PDE1A: variants seen among roughly 807,000 people sequenced by gnomAD.
PDE1A encodes dual specificity calcium/calmodulin-dependent 3',5'-cyclic nucleotide phosphodiesterase 1A.
Under a neutral mutation model 61.7 loss-of-function variants are expected in PDE1A, and 35 were observed. That is an observed-to-expected ratio of 0.57 (90% CI 0.43 to 0.75). The LOEUF is 0.75. Among genes scored for constraint, PDE1A ranks in the 30% least tolerant of loss-of-function variants. The probability of loss-of-function intolerance (pLI) is 0.00; values close to 1 mark genes in which losing one functional copy is unlikely to be tolerated. For missense variants in PDE1A, 597 were observed against 630.6 expected (o/e 0.95, Z 0.57); for synonymous variants, 232 against 213.2 (o/e 1.09, Z -0.77).
chr2:182,648,536 T>TAAAAAAAAAAAAAAAAAAAAAA, the PDE1A span, among the ~76,000 whole-genome samples: 20 of 92,188 alleles, frequency 2.2e-4, no homozygotes, highest in Admixed American at 5.4e-4. Context: ...AAAAAAAAAT[T>TAAAAAAAAAAAAAAAAAAAAAA]AAAAAAATTA....
At chr2:182,522,585 T>C (rs747967816) in intron 1 of PDE1A, 212 of 1,369,412 alleles carry the variant, frequency 1.5e-4, no homozygotes, top group Non-Finnish European at 1.9e-4. Flanking sequence ...ACCACCCCCC[T>C]AAGCAGACAG....
chr2:182,543,400 T>C, the PDE1A span, among the ~76,000 whole-genome samples: 1 of 152,194 alleles, frequency 6.6e-6, no homozygotes, highest in Non-Finnish European at 1.5e-5. Context: ...ATTGTAACTA[T>C]ATTTCATTAG....
chr2:182,695,704 G>GA, the PDE1A span, among the ~76,000 whole-genome samples: 14 of 136,548 alleles, frequency 1.0e-4, no homozygotes, highest in East Asian at 2.1e-4. Context: ...AAAAGAAAAA[G>GA]AAAAAAAAAG....
chr2:182,147,368 C>A (rs1690550615), intron 13 of PDE1A, among the ~76,000 whole-genome samples: 1 of 152,118 alleles, frequency 6.6e-6, no homozygotes, highest in African/African-American at 2.4e-5. Flanking sequence ...ATAACTTTCT[C>A]AAGCTGTGAT....
the PDE1A span, among the ~76,000 whole-genome samples, chr2:182,589,044 AAATAAT>A: frequency 0.059 from 8,148 of 138,108 alleles, 282 homozygotes; most frequent in South Asian, 0.086. Context: ...CTCTGTCTCA[AAATAAT>A]AATAATAATA....
chr2:182,516,710 AAGGAAGGAAG>A (rs1690186724), intron 2 of PDE1A, among the ~76,000 whole-genome samples: 4 of 35,606 alleles, frequency 1.1e-4, no homozygotes, highest in Non-Finnish European at 2.2e-4. Context: ...GGGAGGAAGG[AAGGAAGGAAG>A]GAAGGAAGGA....
chr2:182,694,852 G>GT, the PDE1A span, among the ~76,000 whole-genome samples: 320 of 139,310 alleles, frequency 2.3e-3, 3 homozygotes, highest in African/African-American at 7.6e-3. Context: ...TTGTTTGTTT[G>GT]TTTTTTTTTT....
intron 1 of PDE1A, among the ~76,000 whole-genome samples, chr2:182,290,717 A>T (rs1450785839): frequency 6.6e-6 from 1 of 151,960 alleles, no homozygotes; most frequent in African/African-American, 2.4e-5. Context: ...TCTTCTGCTT[A>T]GATGATAGTG....
At chr2:182,686,064 A>T in the PDE1A span, among the ~76,000 whole-genome samples, 1 of 152,194 alleles carries the variant, frequency 6.6e-6, no homozygotes. Flanking sequence ...AATATTTTAT[A>T]TACCCTTCTT....
At chr2:182,363,677 G>T (rs1235277603) in intron 1 of PDE1A, among the ~76,000 whole-genome samples, 2 of 152,004 alleles carry the variant, frequency 1.3e-5, no homozygotes, top group African/African-American at 4.8e-5. Flanking sequence ...AAAGAAAAAA[G>T]GCTGCAAAAG....
chr2:182,201,665 A>AC (rs1429452527), intron 9 of PDE1A, 23 bp downstream of exon 9: 3 of 1,487,196 alleles, frequency 2.0e-6, no homozygotes, highest in African/African-American at 2.9e-5. Context: ...AAAAAAAAAC[A>AC]ACAAAAAAAA....
intron 2 of PDE1A, among the ~76,000 whole-genome samples, chr2:182,504,726 T>C (rs555377274): frequency 6.6e-6 from 1 of 152,344 alleles, no homozygotes; most frequent in African/African-American, 2.4e-5. Flanking sequence ...TATGAGTATT[T>C]ATCCCTAACT....
the PDE1A span, among the ~76,000 whole-genome samples, chr2:182,564,279 G>C: frequency 2.6e-5 from 4 of 152,016 alleles, no homozygotes; most frequent in Non-Finnish European, 5.9e-5. Flanking sequence ...GCATTTGCTT[G>C]TCTGTAAAGT....
At chr2:182,253,051 G>T (rs896362068) in intron 2 of PDE1A, among the ~76,000 whole-genome samples, 1 of 152,202 alleles carries the variant, frequency 6.6e-6, no homozygotes, top group South Asian at 2.1e-4. Context: ...TGTTTTGAGG[G>T]TTACCTTGGA....
intron 1 of PDE1A, among the ~76,000 whole-genome samples, chr2:182,309,414 G>A (rs1695815763): frequency 6.6e-6 from 1 of 151,688 alleles, no homozygotes; most frequent in Admixed American, 6.6e-5. Context: ...AAAACTTAAG[G>A]CATCTCCATT....
chr2:182,615,798 G>A, the PDE1A span, among the ~76,000 whole-genome samples: 1 of 152,070 alleles, frequency 6.6e-6, no homozygotes, highest in Non-Finnish European at 1.5e-5. Context: ...AAGAACAGAA[G>A]GAGAGGGAGA....
the PDE1A span, among the ~76,000 whole-genome samples, chr2:182,580,645 T>G: frequency 6.6e-6 from 1 of 152,212 alleles, no homozygotes; most frequent in East Asian, 1.9e-4. Context: ...AATGGAAGAC[T>G]GGCTTTCAGT....
At chr2:182,605,458 C>T in the PDE1A span, among the ~76,000 whole-genome samples, 1 of 152,146 alleles carries the variant, frequency 6.6e-6, no homozygotes, top group African/African-American at 2.4e-5. Context: ...TTCTAAATTC[C>T]TTCATAACTG....
the PDE1A span, among the ~76,000 whole-genome samples, chr2:182,699,825 T>C: frequency 6.6e-6 from 1 of 152,252 alleles, no homozygotes; most frequent in African/African-American, 2.4e-5. Flanking sequence ...TTTTGGGAGA[T>C]AAACAGAATT....
Sources: gnomAD v4.1 joint callset for allele counts (sites outside exome capture counted in the v4.1 genomes callset) on GRCh38, gnomAD v4.1.1 for gene constraint, MANE v1.5 for transcripts, NCBI Gene and HGNC (gene_info 2026-07-23, HGNC 2026-07-21) for gene names.